Variants in ZMYM5 observed in about 807,000 individuals in gnomAD.
The protein encoded by ZMYM5 is zinc finger MYM-type protein 5.
Under a neutral mutation model 61.8 loss-of-function variants are expected in ZMYM5, and 41 were observed. The ratio of observed to expected loss-of-function variants is 0.66; its 90% CI spans 0.52 to 0.86. The LOEUF is 0.86. Among genes scored for constraint, ZMYM5 ranks in the 40% least tolerant of loss-of-function variants. The pLI, the probability that ZMYM5 is intolerant of heterozygous loss-of-function variation, is 0.00. For missense variants in ZMYM5, 706 were observed against 786.7 expected, an observed-to-expected ratio of 0.90 and a Z score of 1.23; for synonymous variants, 257 against 276.4, an observed-to-expected ratio of 0.93 and a Z score of 0.70.
In ZMYM5 at chr13:19,825,152, T is replaced by C. The variant is rs775167989; in HGVS notation, c.1335A>G (p.Leu445=). ...TCAAAAGTGTATTTGACGATCCATA[T>C]AATTGTTTCTCATTTTCTTCTCTAA... ...NAFREENEKQ[L]YGSSNTLLKK... is the part of the protein sequence containing the mutation. Residue 445 remains leucine, a synonymous_variant, in exon 8 of 8, where the codon TTA becomes TTG. Coordinates refer to ENST00000337963, the MANE Select transcript of ZMYM5 (RefSeq NM_001142684.2). 1 of 1,327,804 alleles carries C rather than the reference T, an allele frequency of 7.5e-7. No homozygotes were observed. Among genetic ancestry groups the C allele is most frequent in the South Asian group, 1.2e-5 (1 of 80,752 alleles). The allele number at this position is 1,327,804 out of a possible 1,614,324, so 82.3% of individuals were successfully genotyped here.
chr13:19,827,760 G>A (rs781489756), intron 7 of ZMYM5, among the ~76,000 whole-genome samples: 2 of 151,962 alleles, frequency 1.3e-5, no homozygotes, highest in African/African-American at 2.4e-5. Context: ...GGCTGGGCAC[G>A]GTGGCTCACG....
chr13:19,830,577 A>C (rs567369909), intron 7 of ZMYM5, among the ~76,000 whole-genome samples: 16 of 152,176 alleles, frequency 1.1e-4, no homozygotes, highest in Admixed American at 2.6e-4. Flanking sequence ...ACTGTCACCC[A>C]GGCTGGAGTG....
chr13:19,833,980 T>C (rs1027684367), intron 7 of ZMYM5, among the ~76,000 whole-genome samples: 1 of 152,126 alleles, frequency 6.6e-6, no homozygotes, highest in Non-Finnish European at 1.5e-5. Context: ...CTGTATTTCC[T>C]TTTTCTTTTT....
chr13:19,824,754 C>T lies in ZMYM5; in HGVS notation c.1733G>A (p.Trp578Ter), dbSNP rs1409702301. Residue 578 changes from tryptophan to a stop codon, truncating the protein, a stop_gained, in exon 8 of 8, where the codon TGG becomes TAG. Coordinates refer to ENST00000337963, the MANE Select transcript of ZMYM5 (RefSeq NM_001142684.2). LOFTEE classifies it high-confidence loss of function. ...LPNGEKTTRS[W>*]LLYSTSKDSV... ...ATCTTTTGAGGTTGAATAAAGTAAC[C>T]AGGATCTAGTGGTTTTTTCACCATT... 2 of 1,360,918 alleles carry T rather than the reference C, an allele frequency of 1.5e-6. No individual in the cohort carries two copies. Among genetic ancestry groups the T allele is most frequent in the African/African-American group, 3.0e-5 (2 of 67,648 alleles). The allele number at this position is 1,360,918 out of a possible 1,614,324, so 84.3% of individuals were successfully genotyped here.
intron 4 of ZMYM5, among the ~76,000 whole-genome samples, chr13:19,846,264 C>A (rs934713365): frequency 2.0e-5 from 3 of 151,980 alleles, no homozygotes; most frequent in African/African-American, 4.8e-5. Context: ...TTGTTTCATA[C>A]CAAAGTACAA....
intron 4 of ZMYM5, among the ~76,000 whole-genome samples, chr13:19,840,237 A>G (rs1258431563): frequency 6.6e-6 from 1 of 152,226 alleles, no homozygotes; most frequent in Non-Finnish European, 1.5e-5. Context: ...CAGAGGTTTA[A>G]GACTCAGCCT....
chr13:19,828,345 G>A (rs779436481), intron 7 of ZMYM5, among the ~76,000 whole-genome samples: 57 of 152,052 alleles, frequency 3.7e-4, no homozygotes, highest in African/African-American at 1.2e-3. Flanking sequence ...GTGGTGGCGC[G>A]CACCTGTAAT....
At chr13:19,826,394 ATTTAAAC>A (rs1890918985) in intron 7 of ZMYM5, among the ~76,000 whole-genome samples, 1 of 151,960 alleles carries the variant, frequency 6.6e-6, no homozygotes, top group Admixed American at 6.6e-5. Flanking sequence ...GTTTGTCAAA[ATTTAAAC>A]AGAGTTACCC....
chr13:19,837,577 G>C (rs1174079192), intron 6 of ZMYM5, 79 bp downstream of exon 6: 2 of 1,608,076 alleles, frequency 1.2e-6, no homozygotes, highest in Non-Finnish European at 1.7e-6. Flanking sequence ...TTATGTAGAT[G>C]AAAGAGTACA....
At position 19,847,803 on chromosome 13, in the gene ZMYM5, ATTTTTTTTT is replaced by A. The variant is rs34176871; in HGVS notation, c.586+3543_586+3551del. Among the ~76,000 whole-genome samples the A allele has an allele frequency of 2.3e-3, 187 of 79,890 alleles. 1 individual carries two copies. The highest frequency in any genetic ancestry group is 8.2e-3 in the African/African-American group (169 of 20,552). The allele number at this position is 79,890 out of a possible 152,430, so 52.4% of individuals were successfully genotyped here. A position where few individuals can be genotyped will look rare whatever the true frequency, so the allele number is the denominator to read the frequency against. ...AGGCACCTGCCACCATGCCCGGCTA[ATTTTTTTTT>A]TTTTTTTTTTTTTTTGTATTTTTAG... On this transcript the variant is annotated intron_variant, in intron 4 of 7. Coordinates refer to ENST00000337963, the MANE Select transcript of ZMYM5 (RefSeq NM_001142684.2).
Position 19,844,646 on chromosome 13 carries a change from G to T in ZMYM5, c.587-5661C>A, listed in dbSNP as rs569840694. Among the ~76,000 whole-genome samples, 138 of 152,136 alleles carry T rather than the reference G, an allele frequency of 9.1e-4. 1 individual carries two copies. The highest frequency in any genetic ancestry group is 1.6e-3 in the Non-Finnish European group (111 of 68,036). On this transcript the variant is annotated intron_variant, in intron 4 of 7. Transcript: ENST00000337963. ...AAAAGAACTCTTTCTTTTTGAGATG[G>T]AGTTTCGCTCTTGTTGCCAGGCTGG...
intron 2 of ZMYM5, among the ~76,000 whole-genome samples, chr13:19,859,879 C>T (rs1424685560): frequency 1.3e-5 from 2 of 150,746 alleles, no homozygotes; most frequent in East Asian, 2.0e-4. Flanking sequence ...CCAAGGCGGG[C>T]GGATCACTTA....
intron 1 of ZMYM5, 143 bp downstream of exon 1, chr13:19,863,307 C>T (rs1231912446): frequency 6.6e-6 from 1 of 151,964 alleles, no homozygotes; most frequent in African/African-American, 2.4e-5. Context: ...GACGCAAAAG[C>T]GCCGGTGACA....
intron 4 of ZMYM5, among the ~76,000 whole-genome samples, chr13:19,845,072 T>C (rs1435551468): frequency 6.6e-6 from 1 of 152,196 alleles, no homozygotes; most frequent in Non-Finnish European, 1.5e-5. Flanking sequence ...AACTTAGAGA[T>C]GTTTATGAGA....
Position 19,860,849 on chromosome 13 carries a change from G to A in ZMYM5, c.-11+1550C>T, listed in dbSNP as rs189024159. On this transcript the variant is annotated intron_variant, in intron 2 of 7. Transcript: ENST00000337963. Reference sequence around the variant, plus strand: ...GCTGAGAAAAATCTCAAGAAATAAAGGAAAAAATAAAGAGGATAAGGATTA... The same window carrying A: ...GCTGAGAAAAATCTCAAGAAATAAAAGAAAAAATAAAGAGGATAAGGATTA... Among the ~76,000 whole-genome samples the A allele has an allele frequency of 3.4e-4, 51 of 148,208 alleles. No homozygotes were observed. In the East Asian group the frequency reaches 0.01, roughly 29 times the overall value.
At chr13:19,843,123 C>G (rs527766937) in intron 4 of ZMYM5, among the ~76,000 whole-genome samples, 2 of 147,982 alleles carry the variant, frequency 1.4e-5, no homozygotes, top group Non-Finnish European at 3.0e-5. Flanking sequence ...GCAGATTTAA[C>G]AGTTTTTTTT....
chr13:19,825,529 C>T (rs1024773080), intron 7 of ZMYM5, among the ~76,000 whole-genome samples: 1 of 152,018 alleles, frequency 6.6e-6, no homozygotes, highest in African/African-American at 2.4e-5. Context: ...CGCCTGTAAT[C>T]CCAGCTCCTC....
Position 19,835,637 on chromosome 13 carries a change from T to C in ZMYM5, c.1091A>G (p.His364Arg), listed in dbSNP as rs1227910782. 1.5e-6 allele frequency: 2 copies of C among 1,367,704 alleles called. No homozygotes were observed. The highest frequency in any genetic ancestry group is 4.5e-5 in the East Asian group (1 of 22,002). The allele number at this position is 1,367,704 out of a possible 1,614,324, so 84.7% of individuals were successfully genotyped here. A position where few individuals can be genotyped will look rare whatever the true frequency, so the allele number is the denominator to read the frequency against. ...GGCCAATCTGTACTTATTAAAGCAA[T>C]GGTTACTGCACAGTTTATGTGTTAC... ...NNVTHKLCSN[H>R]CFNKYRLANG... Residue 364 changes from histidine (H) to arginine (R), a missense_variant, in exon 7 of 8, where the codon CAT (histidine) becomes CGT (arginine). Around this residue, in one of 2 missense-constraint regions of ZMYM5, gnomAD observed 480 missense variants for 461.7 expected, o/e 1.04. Transcript: ENST00000337963.
intron 2 of ZMYM5, among the ~76,000 whole-genome samples, chr13:19,861,849 CAAA>C (rs58840015): frequency 7.3e-6 from 1 of 137,860 alleles, no homozygotes; most frequent in African/African-American, 2.6e-5. Flanking sequence ...TGTCTAGTAG[CAAA>C]AAAAAAAAAC....
Sources: gnomAD v4.1 joint callset for allele counts (sites outside exome capture counted in the v4.1 genomes callset) on GRCh38, gnomAD v4.1.1 for gene constraint, gnomAD v4.1.1 regional missense constraint, MANE v1.5 for transcripts, NCBI Gene and HGNC (gene_info 2026-07-23, HGNC 2026-07-21) for gene names.